UGT8: variants seen among roughly 807,000 people sequenced by gnomAD.
The protein encoded by UGT8 is UDP glycosyltransferase 8, also known as 2-hydroxyacylsphingosine 1-beta-galactosyltransferase.
A neutral mutation model predicts 40.5 loss-of-function variants in UGT8; 12 were observed. That is an observed-to-expected ratio of 0.30 (90% CI 0.19 to 0.48). The LOEUF is 0.48. Ranked by LOEUF, UGT8 falls within the 20% of genes least tolerant of loss-of-function variation. UGT8 has a pLI of 0.99. For synonymous variants in UGT8, 224 were observed against 240.4 expected (o/e 0.93, Z 0.63); for missense variants, 513 against 648.7 (o/e 0.79, Z 2.27).
At chr4:114,666,201 C>G (rs1298154163) in intron 4 of UGT8, among the ~76,000 whole-genome samples, 1 of 151,980 alleles carries the variant, frequency 6.6e-6, no homozygotes, top group African/African-American at 2.4e-5. Context: ...TTGTCTGAAA[C>G]CAAAGAGAAG....
chr4:114,650,068 C>T (rs937593839), intron 2 of UGT8, among the ~76,000 whole-genome samples: 13 of 152,086 alleles, frequency 8.5e-5, no homozygotes, highest in Non-Finnish European at 1.3e-4. Context: ...GCTCACATGG[C>T]GATTCTGCAA....
chr4:114,656,242 A>G (rs1027319532), intron 2 of UGT8, among the ~76,000 whole-genome samples: 2 of 152,106 alleles, frequency 1.3e-5, no homozygotes, highest in African/African-American at 2.4e-5. Flanking sequence ...TTTATGGCAT[A>G]ATACTGATTA....
At chr4:114,671,169 A>G (rs148764491) in intron 5 of UGT8, among the ~76,000 whole-genome samples, 1 of 152,194 alleles carries the variant, frequency 6.6e-6, no homozygotes, top group African/African-American at 2.4e-5. Flanking sequence ...GACACAAACA[A>G]ATTGAAAACA....
chr4:114,675,993 C>G lies in UGT8; in HGVS notation c.1331C>G (p.Thr444Ser). Residue 444 changes from threonine (T) to serine (S), a missense_variant, in exon 6 of 6, where the codon ACT (threonine) becomes AGT (serine). By Grantham distance (58) the Thr-to-Ser change is moderately conservative. Transcript: ENST00000310836. ...KDQPGHPVNRTIYWIDYIIRH... is the reference protein window; with the variant it reads ...KDQPGHPVNRSIYWIDYIIRH... ...CAACCTGGTCACCCTGTCAATCGAA[C>G]TATCTATTGGATAGATTATATTATT... 1 of 1,614,172 alleles carries G rather than the reference C, an allele frequency of 6.2e-7. No individual in the cohort carries two copies.
chr4:114,670,864 G>C (rs983489014), intron 5 of UGT8, among the ~76,000 whole-genome samples: 2 of 152,154 alleles, frequency 1.3e-5, no homozygotes, highest in Non-Finnish European at 2.9e-5. Flanking sequence ...AGGAAGAGAG[G>C]AAGTCAAATT....
chr4:114,653,150 A>G (rs1196466221), intron 2 of UGT8, among the ~76,000 whole-genome samples: 3 of 152,116 alleles, frequency 2.0e-5, no homozygotes, highest in Non-Finnish European at 4.4e-5. Flanking sequence ...AAGGGTGATC[A>G]AGTTCCTAGT....
At chr4:114,666,331 T>C (rs1220330733) in intron 4 of UGT8, among the ~76,000 whole-genome samples, 1 of 152,152 alleles carries the variant, frequency 6.6e-6, no homozygotes, top group Non-Finnish European at 1.5e-5. Context: ...GGGATTTTGA[T>C]TCTCAAAATT....
rs1398336114 is a variant in UGT8, at chr4:114,677,161, A to C, written c.*873A>C. On this transcript the variant is annotated 3_prime_UTR_variant, in exon 6 of 6. Coordinates refer to ENST00000310836, the MANE Select transcript of UGT8 (RefSeq NM_001128174.3). ...GACTTTATTCAAAGTACTGAAGATT[A>C]TTGCTTCTAGGGCATTTTTAAACAG... 1 of 152,202 alleles carries C rather than the reference A, an allele frequency of 6.6e-6. No individual in the cohort carries two copies. Among genetic ancestry groups the C allele is most frequent in the Non-Finnish European group, 1.5e-5 (1 of 68,036 alleles). 9.4% of individuals were successfully genotyped at this position (152,202 alleles called of 1,614,324 possible). A position where few individuals can be genotyped will look rare whatever the true frequency, so the allele number is the denominator to read the frequency against.
intron 2 of UGT8, among the ~76,000 whole-genome samples, chr4:114,639,764 A>G (rs1733096047): frequency 6.6e-6 from 1 of 152,184 alleles, no homozygotes; most frequent in African/African-American, 2.4e-5. Flanking sequence ...GAAATGTAAA[A>G]CAATAAACAA....
intron 2 of UGT8, among the ~76,000 whole-genome samples, chr4:114,660,591 A>G (rs970770205): frequency 6.6e-6 from 1 of 152,138 alleles, no homozygotes; most frequent in Non-Finnish European, 1.5e-5. Context: ...TTTTAAAATT[A>G]TAATTCAGTT....
intron 1 of UGT8, among the ~76,000 whole-genome samples, chr4:114,615,409 A>G (rs778399140): frequency 6.6e-5 from 10 of 152,084 alleles, no homozygotes; most frequent in Non-Finnish European, 1.3e-4. Flanking sequence ...TGTGCCCAAG[A>G]CTTTCCTAGT....
intron 2 of UGT8, among the ~76,000 whole-genome samples, chr4:114,639,279 G>A (rs978590346): frequency 1.3e-5 from 2 of 152,102 alleles, no homozygotes; most frequent in African/African-American, 4.8e-5. Context: ...TATATATTCA[G>A]TATCAGGACC....
At chr4:114,643,984 G>A (rs902111809) in intron 2 of UGT8, among the ~76,000 whole-genome samples, 16 of 152,106 alleles carry the variant, frequency 1.1e-4, no homozygotes, top group African/African-American at 3.6e-4. Flanking sequence ...AACAATTGCA[G>A]CGCCTACTAC....
At chr4:114,612,661 TTTA>T (rs1186379658) in intron 1 of UGT8, among the ~76,000 whole-genome samples, 1 of 152,172 alleles carries the variant, frequency 6.6e-6, no homozygotes, top group Non-Finnish European at 1.5e-5. Flanking sequence ...TATTGATCAT[TTTA>T]TTACTCTTTA....
At chr4:114,675,601 G>A (rs973028045) in intron 5 of UGT8, among the ~76,000 whole-genome samples, 1 of 149,744 alleles carries the variant, frequency 6.7e-6, no homozygotes, top group African/African-American at 2.4e-5. Flanking sequence ...TTAGCCGGGC[G>A]TAGTGGCGGG....
chr4:114,600,944 T>C (rs75347836), intron 1 of UGT8, among the ~76,000 whole-genome samples: 2,231 of 152,296 alleles, frequency 0.015, 54 homozygotes, highest in African/African-American at 0.05. Context: ...GTTGTGTGAC[T>C]TAGTATTATA....
At chr4:114,649,379 C>T (rs1037566841) in intron 2 of UGT8, among the ~76,000 whole-genome samples, 5 of 151,950 alleles carry the variant, frequency 3.3e-5, no homozygotes, top group African/African-American at 7.3e-5. Flanking sequence ...TTTGTGGTTG[C>T]GTCAATTAAG....
Position 114,608,097 on chromosome 4 carries a change from C to T in UGT8, c.-3+9123C>T, listed in dbSNP as rs570098542. Among the ~76,000 whole-genome samples, 47 of 152,292 alleles carry T rather than the reference C, an allele frequency of 3.1e-4. No individual in the cohort carries two copies. The South Asian group carries it at 9.1e-3, about 30-fold the overall frequency. ...TTTTCTCATATTGCTCAATAGGATT[C>T]TATCCTGTTTACCCACTGGGGCATT... On this transcript the variant is annotated intron_variant, in intron 1 of 5. Coordinates refer to ENST00000310836, the MANE Select transcript of UGT8 (RefSeq NM_001128174.3).
chr4:114,635,099 A>C (rs1464959724), intron 2 of UGT8, among the ~76,000 whole-genome samples: 5 of 152,052 alleles, frequency 3.3e-5, no homozygotes, highest in African/African-American at 4.8e-5. Context: ...TTGTTTTTTA[A>C]AAACCAATGA....
Sources: allele counts gnomAD v4.1 joint callset (sites outside exome capture counted in the v4.1 genomes callset), GRCh38; gene constraint gnomAD v4.1.1; transcripts MANE v1.5; gene names NCBI Gene and HGNC (gene_info 2026-07-23, HGNC 2026-07-21).